Variants in CADM2 observed in about 807,000 individuals in gnomAD.
CADM2 encodes cell adhesion molecule 2.
Under a neutral mutation model 49.8 loss-of-function variants are expected in CADM2, and 12 were observed. The ratio of observed to expected loss-of-function variants is 0.24; its 90% confidence interval spans 0.15 to 0.39. The LOEUF (loss-of-function observed/expected upper bound fraction) is 0.39, where lower values mean the gene tolerates loss of function less well. CADM2 is among the 10% of genes least tolerant of loss of function. The pLI is 1.00. For missense variants in CADM2, 378 were observed against 492.3 expected (o/e 0.77, Z 2.20); for synonymous variants, 214 against 175.4 (o/e 1.22, Z -1.74).
intron 1 of CADM2, among the ~76,000 whole-genome samples, chr3:85,607,556 G>A (rs2063567327): frequency 6.6e-6 from 1 of 152,062 alleles, no homozygotes; most frequent in Non-Finnish European, 1.5e-5. Context: ...TTGAGGTGAT[G>A]GATTCTCCAA....
chr3:85,933,534 G>A (rs766157605), intron 6 of CADM2, among the ~76,000 whole-genome samples: 1 of 152,000 alleles, frequency 6.6e-6, no homozygotes, highest in Admixed American at 6.6e-5. Flanking sequence ...ACCATGTTAG[G>A]GTTCTCCGGA....
chr3:85,656,350 C>G lies in CADM2; in HGVS notation c.62-70172C>G, dbSNP rs2065194959. Among the ~76,000 whole-genome samples, 2 of 152,102 alleles carry G rather than the reference C, an allele frequency of 1.3e-5. 1 individual carries two copies. Among genetic ancestry groups the G allele is most frequent in the South Asian group, 4.1e-4 (2 of 4,826 alleles). On this transcript the variant is annotated intron_variant, in intron 1 of 9. Transcript: ENST00000383699. ...ATTTAAGAAAAGCCGGGCGCAGTGG[C>G]TCACGCCTGTAATCCTAGCACTTTG...
intron 1 of CADM2, among the ~76,000 whole-genome samples, chr3:85,506,045 T>C (rs1434144931): frequency 5.9e-5 from 9 of 152,220 alleles, no homozygotes; most frequent in Non-Finnish European, 1.0e-4. Context: ...AAAAGACAAT[T>C]AAAACTTGCA....
At chr3:85,691,606 C>A (rs1372433817) in intron 1 of CADM2, among the ~76,000 whole-genome samples, 1 of 152,040 alleles carries the variant, frequency 6.6e-6, no homozygotes, top group South Asian at 2.1e-4. Flanking sequence ...ACCATTTGAC[C>A]CAGCCATCCC....
intron 1 of CADM2, among the ~76,000 whole-genome samples, chr3:85,501,801 G>A (rs1330419343): frequency 6.6e-6 from 1 of 151,958 alleles, no homozygotes; most frequent in Non-Finnish European, 1.5e-5. Flanking sequence ...CATGCTCTTG[G>A]GTTTGATAAT....
intron 1 of CADM2, among the ~76,000 whole-genome samples, chr3:85,241,061 T>A (rs1388008746): frequency 6.6e-6 from 1 of 151,576 alleles, no homozygotes; most frequent in East Asian, 1.9e-4. Flanking sequence ...AAAAGAAAAC[T>A]AAGTGTTGGA....
intron 1 of CADM2, among the ~76,000 whole-genome samples, chr3:85,708,848 TG>T (rs1316781591): frequency 6.6e-6 from 1 of 152,008 alleles, no homozygotes; most frequent in East Asian, 1.9e-4. Context: ...AGGTTGCACG[TG>T]GAAGAATATT....
At chr3:85,226,373 T>C (rs1000937016) in intron 1 of CADM2, among the ~76,000 whole-genome samples, 2 of 152,134 alleles carry the variant, frequency 1.3e-5, no homozygotes, top group African/African-American at 4.8e-5. Context: ...GTCCAGGAAT[T>C]TATCCATTTC....
chr3:85,099,525 A>G (rs1408143316), intron 1 of CADM2, among the ~76,000 whole-genome samples: 3 of 150,580 alleles, frequency 2.0e-5, no homozygotes, highest in Non-Finnish European at 4.4e-5. Context: ...GCTGGAGTGC[A>G]ATGGCAAAAT....
intron 1 of CADM2, among the ~76,000 whole-genome samples, chr3:85,497,405 T>C (rs2039949768): frequency 6.6e-6 from 1 of 152,080 alleles, no homozygotes; most frequent in Admixed American, 6.6e-5. Flanking sequence ...CCTCTTGCAG[T>C]AGCAGAAAGA....
chr3:86,029,304 G>A (rs1001294855), intron 8 of CADM2, among the ~76,000 whole-genome samples: 1 of 152,040 alleles, frequency 6.6e-6, no homozygotes, highest in African/African-American at 2.4e-5. Context: ...GAGGCTGAGA[G>A]GCAATTTAGG....
intron 1 of CADM2, among the ~76,000 whole-genome samples, chr3:85,088,042 A>C (rs1254400490): frequency 2.6e-5 from 4 of 152,164 alleles, no homozygotes; most frequent in Admixed American, 1.3e-4. Flanking sequence ...ATTATTTCAT[A>C]ATAAAACAAA....
chr3:84,983,527 G>A (rs1295913596), intron 1 of CADM2, among the ~76,000 whole-genome samples: 3 of 152,020 alleles, frequency 2.0e-5, no homozygotes, highest in Admixed American at 6.6e-5. Flanking sequence ...CCTGCATATT[G>A]CAGGGAAAGC....
intron 1 of CADM2, among the ~76,000 whole-genome samples, chr3:85,274,475 A>C (rs1406986190): frequency 2.6e-5 from 4 of 151,394 alleles, no homozygotes; most frequent in Admixed American, 6.6e-5. Context: ...CAGACCATTC[A>C]TTCATTAAGA....
intron 1 of CADM2, among the ~76,000 whole-genome samples, chr3:85,558,809 T>C (rs1347318585): frequency 6.6e-6 from 1 of 152,084 alleles, no homozygotes; most frequent in Non-Finnish European, 1.5e-5. Context: ...AGCATCTCGT[T>C]CATTTGGAAG....
intron 5 of CADM2, among the ~76,000 whole-genome samples, chr3:85,886,616 G>C (rs1197079918): frequency 6.6e-6 from 1 of 152,050 alleles, no homozygotes; most frequent in East Asian, 1.9e-4. Context: ...GAAACATATA[G>C]ATTCATACTT....
At chr3:85,195,314 T>G (rs998620065) in intron 1 of CADM2, among the ~76,000 whole-genome samples, 5 of 152,128 alleles carry the variant, frequency 3.3e-5, no homozygotes, top group Non-Finnish European at 5.9e-5. Context: ...CTGCCTCTCA[T>G]TAGTCAAAAT....
chr3:85,641,376 C>G (rs895139782), intron 1 of CADM2, among the ~76,000 whole-genome samples: 1 of 152,270 alleles, frequency 6.6e-6, no homozygotes, highest in Admixed American at 6.5e-5. Flanking sequence ...TGAGAAAAAT[C>G]TCACATGTTG....
chr3:85,044,392 G>T (rs1213876410), intron 1 of CADM2, among the ~76,000 whole-genome samples: 1 of 152,176 alleles, frequency 6.6e-6, no homozygotes, highest in Non-Finnish European at 1.5e-5. Context: ...TCTGCCAGGT[G>T]ATGATTTGTT....
Sources: gnomAD v4.1 joint callset for allele counts (sites outside exome capture counted in the v4.1 genomes callset) on GRCh38, gnomAD v4.1.1 for gene constraint, MANE v1.5 for transcripts, NCBI Gene and HGNC (gene_info 2026-07-23, HGNC 2026-07-21) for gene names.